DNAH10: variants seen among roughly 807,000 people sequenced by gnomAD.
DNAH10 encodes the protein axonemal beta dynein heavy chain 10.
A neutral mutation model predicts 506.6 loss-of-function variants in DNAH10; 348 were observed. The observed-to-expected ratio is 0.69, with a 90% CI of 0.63 to 0.75. The LOEUF is 0.75. Among genes scored for constraint, DNAH10 ranks in the 30% least tolerant of loss-of-function variants. The pLI is 0.00. For synonymous variants in DNAH10, 2,059 were observed against 2,198.6 expected (o/e 0.94, Z 1.78); for missense variants, 5,179 against 5,787.1 (o/e 0.89, Z 3.41).
chr12:123,882,619 C>A (rs1952555146), intron 51 of DNAH10, among the ~76,000 whole-genome samples: 2 of 151,764 alleles, frequency 1.3e-5, no homozygotes, highest in South Asian at 4.2e-4. Flanking sequence ...ATGGTGAAAC[C>A]CCGTCTCTAC....
chr12:123,824,553 A>G (rs936896186), intron 24 of DNAH10, among the ~76,000 whole-genome samples: 6 of 152,164 alleles, frequency 3.9e-5, no homozygotes, highest in African/African-American at 1.4e-4. Context: ...ACAGACCAGG[A>G]GGCTGAAAAC....
At chr12:123,765,558 TATA>T (rs1328566368) in intron 1 of DNAH10, among the ~76,000 whole-genome samples, 2 of 87,088 alleles carry the variant, frequency 2.3e-5, no homozygotes, top group African/African-American at 1.1e-4. Flanking sequence ...TGCATCTATC[TATA>T]CTTTATCTAT....
intron 53 of DNAH10, among the ~76,000 whole-genome samples, chr12:123,894,352 G>T (rs1229423987): frequency 1.3e-5 from 2 of 152,024 alleles, no homozygotes; most frequent in Non-Finnish European, 1.5e-5. Context: ...CACCTCTCGG[G>T]TTCAAGCGAT....
chr12:123,884,126 C>T (rs758557867), intron 51 of DNAH10, among the ~76,000 whole-genome samples: 2 of 152,076 alleles, frequency 1.3e-5, no homozygotes, highest in African/African-American at 4.8e-5. Flanking sequence ...CTCTGCCTCC[C>T]CGGGTTCAAG....
intron 25 of DNAH10, 82 bp from the exon 26 acceptor site, chr12:123,830,464 T>C: frequency 7.2e-7 from 1 of 1,396,108 alleles, no homozygotes; most frequent in Non-Finnish European, 9.7e-7. Flanking sequence ...AAATGAGATT[T>C]GTCCTGTGAT....
At position 123,907,091 on chromosome 12, in the gene DNAH10, G is replaced by C. The variant is rs139833246; in HGVS notation, c.9816-2170G>C. 6.6e-6 allele frequency among the ~76,000 whole-genome samples: 1 copy of C among 152,340 alleles called. No individual in the cohort carries two copies. Among genetic ancestry groups the C allele is most frequent in the Non-Finnish European group, 1.5e-5 (1 of 68,032 alleles). On this transcript the variant is annotated intron_variant, in intron 57 of 78. Coordinates refer to ENST00000673944, the MANE Select transcript of DNAH10 (RefSeq NM_001372106.1). The surrounding 1 kb of genome is among the most constrained non-coding windows in gnomAD (Gnocchi z 4.4). Reference sequence around the variant, plus strand: ...GTGAGGCAGGCAGGGTCTTCACTGCGTGGCGCTGACACTCTGTTTTCCTAT... The same window carrying C: ...GTGAGGCAGGCAGGGTCTTCACTGCCTGGCGCTGACACTCTGTTTTCCTAT...
intron 24 of DNAH10, among the ~76,000 whole-genome samples, chr12:123,826,339 C>T (rs375963973): frequency 1.3e-5 from 2 of 152,086 alleles, no homozygotes; most frequent in African/African-American, 2.4e-5. Flanking sequence ...TATGACAGCA[C>T]CTGAATGAAG....
chr12:123,866,357 C>T (rs1483298082), intron 41 of DNAH10, among the ~76,000 whole-genome samples: 1 of 148,854 alleles, frequency 6.7e-6, no homozygotes, highest in East Asian at 2.0e-4. Context: ...CATTCTCCTG[C>T]CTCAGCCTCC....
In DNAH10 at chr12:123,774,168, C is replaced by G. The variant is rs560580618; in HGVS notation, c.525C>G (p.Thr175=). The change falls in exon 5 of 79, where the codon ACC becomes ACG. Residue 175 remains threonine, a synonymous_variant. Coordinates refer to ENST00000673944, the MANE Select transcript of DNAH10 (RefSeq NM_001372106.1). ...RNTKEAISEA[T]DMKEAMEIMP... is the part of the protein sequence containing the mutation. The stretch of plus-strand genomic sequence containing the variant: ...CTTTAGAGGCAATCTCTGAAGCTAC[C>G]GACATGAAGGAAGCTATGGAAATTA... 1.9e-6 allele frequency: 3 copies of G among 1,609,420 alleles called. No homozygotes were observed. Among genetic ancestry groups the G allele is most frequent in the Non-Finnish European group, 2.5e-6 (3 of 1,178,590 alleles).
In DNAH10 at chr12:123,924,307, A is replaced by C. The variant is rs1263746212; in HGVS notation, c.11641A>C (p.Lys3881Gln). 9.3e-6 allele frequency: 15 copies of C among 1,611,608 alleles called. No individual in the cohort carries two copies. In the Middle Eastern group the frequency reaches 1.2e-3, roughly 124 times the overall value. Reference sequence around the variant, plus strand: ...CATTTCCCTGGAGAAAAGCAAAAGAAAAAAGCCCTGCGCTTGGTTGTCTGA... The same window carrying C: ...CATTTCCCTGGAGAAAAGCAAAAGACAAAAGCCCTGCGCTTGGTTGTCTGA... ...GNISLEKSKRKKPCAWLSDQG... is the reference protein window; with the variant it reads ...GNISLEKSKRQKPCAWLSDQG... The change falls in exon 67 of 79, where the codon AAA (lysine) becomes CAA (glutamine). Residue 3881 changes from lysine to glutamine, a missense_variant. Around this residue, in one of 3 missense-constraint regions of DNAH10, gnomAD observed 4,844 missense variants for 5,430.5 expected, o/e 0.89. Transcript: ENST00000673944.
At chr12:123,839,809 C>G (rs2136600491) in intron 29 of DNAH10, among the ~76,000 whole-genome samples, 1 of 152,122 alleles carries the variant, frequency 6.6e-6, no homozygotes, top group South Asian at 2.1e-4. Flanking sequence ...ACTACAGGCG[C>G]CAGCCACTGT....
chr12:123,859,206 G>A lies in DNAH10; in HGVS notation c.6687G>A (p.Val2229=), dbSNP rs75245840. 40 of 1,611,954 alleles carry A rather than the reference G, an allele frequency of 2.5e-5. No homozygotes were observed. The highest frequency in any genetic ancestry group is 1.2e-4 in the Admixed American group (7 of 59,650). ...ETMLTRHTTM[V]VGPTRGGKSV... ...TGTTAACCCGCCACACGACGATGGT[G>A]GTGGGGCCCACCAGAGGGGGCAAGT... The change falls in exon 38 of 79, where the codon GTG becomes GTA. Residue 2229 remains valine (V), a synonymous_variant. Transcript: ENST00000673944.
In DNAH10 at chr12:123,879,218, C is replaced by T. The variant is rs376409284; in HGVS notation, c.8373-46C>T. 130 of 1,516,530 alleles carry T rather than the reference C, an allele frequency of 8.6e-5. No homozygotes were observed. The African/African-American group carries it at 1.7e-3, about 20-fold the overall frequency. 93.9% of individuals were successfully genotyped at this position (1,516,530 alleles called of 1,614,324 possible). On this transcript the variant is annotated intron_variant, in intron 48 of 78. Transcript: ENST00000673944. ...ATGTCACAGCCGTCAGCCCTGGTAT[C>T]CTTCAGGTGACTTCCTGGCTGATTT...
intron 26 of DNAH10, 103 bp downstream of exon 26, chr12:123,830,802 G>A (rs1191534433): frequency 1.9e-5 from 21 of 1,114,566 alleles, no homozygotes; most frequent in Non-Finnish European, 2.3e-5. Context: ...AAAATTAGCT[G>A]AGCGTGGTGG....
At chr12:123,933,257 AC>A in intron 76 of DNAH10, 73 bp from the exon 77 acceptor site, 1 of 1,304,666 alleles carries the variant, frequency 7.7e-7, no homozygotes, top group South Asian at 2.1e-5. Context: ...CATAAACTAA[AC>A]TTCCAGGCCA....
chr12:123,894,102 TTTTTTTG>T (rs1953112712), intron 53 of DNAH10, among the ~76,000 whole-genome samples: 1 of 137,260 alleles, frequency 7.3e-6, no homozygotes, highest in African/African-American at 2.9e-5. Context: ...TTTTTTTTTT[TTTTTTTG>T]AGACAGAATC....
At chr12:123,816,847 C>G (rs961843242) in intron 21 of DNAH10, among the ~76,000 whole-genome samples, 3 of 152,220 alleles carry the variant, frequency 2.0e-5, no homozygotes, top group Admixed American at 2.0e-4. Flanking sequence ...ACGTGTTCAG[C>G]TTCACTAGAT....
In DNAH10 at chr12:123,904,856, C is replaced by T. The variant is rs186782802; in HGVS notation, c.9815+1743C>T. Among the ~76,000 whole-genome samples, 824 of 152,304 alleles carry T rather than the reference C, an allele frequency of 5.4e-3. 5 individuals are homozygous for T. Among genetic ancestry groups the T allele is most frequent in the Non-Finnish European group, 9.2e-3 (627 of 68,028 alleles). ...TAAGCATTAGCTGTGATTATGGCTC[C>T]AGCATCCAAAAGGTATGCTGGGAAA... On this transcript the variant is annotated intron_variant, in intron 57 of 78. Coordinates refer to ENST00000673944, the MANE Select transcript of DNAH10 (RefSeq NM_001372106.1).
At chr12:123,821,406 C>G (rs967035830) in intron 24 of DNAH10, among the ~76,000 whole-genome samples, 22 of 152,332 alleles carry the variant, frequency 1.4e-4, no homozygotes, top group African/African-American at 5.3e-4. Flanking sequence ...TAATAACTCA[C>G]TGCAGCCTCG....
Sources: allele counts gnomAD v4.1 joint callset (sites outside exome capture counted in the v4.1 genomes callset), GRCh38; gene constraint gnomAD v4.1.1; regional missense constraint gnomAD v4.1.1; non-coding constraint Gnocchi (gnomAD v3.1); transcripts MANE v1.5; gene names NCBI Gene and HGNC (gene_info 2026-07-23, HGNC 2026-07-21).